PARN: variants seen among roughly 807,000 people sequenced by gnomAD.
PARN encodes the protein poly(A)-specific ribonuclease.
PARN carries 71 observed loss-of-function variants against 102.8 expected under a neutral mutation model. The ratio of observed to expected loss-of-function variants is 0.69; its 90% CI spans 0.57 to 0.84. The LOEUF (loss-of-function observed/expected upper bound fraction) is 0.84, where lower values mean the gene tolerates loss of function less well. PARN is among the 40% of genes least tolerant of loss of function. The pLI is 0.00. For missense variants in PARN, 782 were observed against 760.9 expected, an observed-to-expected ratio of 1.03 and a Z score of -0.33; for synonymous variants, 261 against 252.9, an observed-to-expected ratio of 1.03 and a Z score of -0.30.
At chr16:14,462,567 A>T (rs1962052317) in intron 22 of PARN, among the ~76,000 whole-genome samples, 1 of 152,108 alleles carries the variant, frequency 6.6e-6, no homozygotes, top group Non-Finnish European at 1.5e-5. Flanking sequence ...TCCAAGGCCC[A>T]TTACTGTGGA....
intron 13 of PARN, among the ~76,000 whole-genome samples, chr16:14,590,003 T>C (rs1179568847): frequency 6.8e-6 from 1 of 147,514 alleles, no homozygotes; most frequent in East Asian, 2.1e-4. Flanking sequence ...GTAATCCCAG[T>C]ACTTTGGGAG....
intron 21 of PARN, among the ~76,000 whole-genome samples, chr16:14,509,214 G>A (rs1014583694): frequency 3.3e-5 from 5 of 152,136 alleles, no homozygotes; most frequent in South Asian, 2.1e-4. Context: ...TATAAACCCC[G>A]TGTCAGCTGT....
chr16:14,489,999 T>C (rs1455474576), intron 21 of PARN, among the ~76,000 whole-genome samples: 1 of 152,172 alleles, frequency 6.6e-6, no homozygotes, highest in African/African-American at 2.4e-5. Flanking sequence ...TGAAACCCTG[T>C]CTCTACTTAA....
chr16:14,500,716 G>A (rs1964542909), intron 21 of PARN, among the ~76,000 whole-genome samples: 1 of 152,058 alleles, frequency 6.6e-6, no homozygotes. Flanking sequence ...TGCTTCTACT[G>A]CCTTTGCATA....
intron 23 of PARN, among the ~76,000 whole-genome samples, chr16:14,441,856 G>A (rs2151550645): frequency 6.6e-6 from 1 of 152,342 alleles, no homozygotes; most frequent in Middle Eastern, 3.4e-3. Context: ...GTAACAGCAT[G>A]AGGAGACTGC....
intron 3 of PARN, 49 bp downstream of exon 3, chr16:14,628,123 A>G (rs776784246): frequency 9.6e-7 from 1 of 1,039,634 alleles, no homozygotes; most frequent in East Asian, 2.4e-5. Flanking sequence ...ATTTAACATA[A>G]GGAAGACTAA....
At chr16:14,444,616 A>T (rs1269628068) in intron 23 of PARN, among the ~76,000 whole-genome samples, 1 of 152,244 alleles carries the variant, frequency 6.6e-6, no homozygotes, top group African/African-American at 2.4e-5. Context: ...AACTAAAAAA[A>T]TCCAGAAGAG....
At chr16:14,491,227 G>C (rs943011103) in intron 21 of PARN, among the ~76,000 whole-genome samples, 1 of 149,014 alleles carries the variant, frequency 6.7e-6, no homozygotes. Flanking sequence ...TAAACCCTTC[G>C]GCATCCAAGA....
intron 21 of PARN, among the ~76,000 whole-genome samples, chr16:14,512,688 G>A (rs1965259642): frequency 6.6e-6 from 1 of 152,106 alleles, no homozygotes; most frequent in African/African-American, 2.4e-5. Context: ...TCAAGGGTGG[G>A]ACCCCAGAAA....
chr16:14,509,609 A>G (rs1469506941), intron 21 of PARN, among the ~76,000 whole-genome samples: 1 of 152,224 alleles, frequency 6.6e-6, no homozygotes. Context: ...TCTCATCAAC[A>G]TTCAAAGTCT....
chr16:14,623,651 AT>A (rs1435097244), intron 5 of PARN, among the ~76,000 whole-genome samples: 2 of 152,142 alleles, frequency 1.3e-5, no homozygotes, highest in African/African-American at 4.8e-5. Flanking sequence ...AGCCTGACCA[AT>A]ATGGTGAAAC....
chr16:14,498,811 A>G (rs945629957), intron 21 of PARN, among the ~76,000 whole-genome samples: 4 of 152,248 alleles, frequency 2.6e-5, no homozygotes, highest in Non-Finnish European at 4.4e-5. Flanking sequence ...ACACTTCTCC[A>G]AAAGGGAAAT....
intron 6 of PARN, among the ~76,000 whole-genome samples, chr16:14,615,419 A>G (rs1349349839): frequency 5.3e-5 from 8 of 152,318 alleles, no homozygotes; most frequent in South Asian, 2.1e-4. Context: ...TTTGGAACTT[A>G]TATTTTATAA....
intron 22 of PARN, among the ~76,000 whole-genome samples, chr16:14,471,880 G>A (rs113419740): frequency 0.16 from 23,866 of 152,164 alleles, 2,399 homozygotes; most frequent in Middle Eastern, 0.26. Flanking sequence ...CAATTTGCTT[G>A]AAGCAAATTG....
intron 21 of PARN, among the ~76,000 whole-genome samples, chr16:14,532,551 C>G (rs953981313): frequency 6.6e-6 from 1 of 152,142 alleles, no homozygotes; most frequent in Non-Finnish European, 1.5e-5. Flanking sequence ...AACGAAAAGT[C>G]TCCCATGTCT....
intron 22 of PARN, among the ~76,000 whole-genome samples, chr16:14,481,532 A>G (rs1363333111): frequency 6.6e-6 from 1 of 152,220 alleles, no homozygotes; most frequent in Non-Finnish European, 1.5e-5. Flanking sequence ...GAAATGTTCT[A>G]TATCTTGCTT....
intron 12 of PARN, among the ~76,000 whole-genome samples, chr16:14,595,314 G>T (rs547457012): frequency 6.6e-6 from 1 of 152,152 alleles, no homozygotes; most frequent in East Asian, 1.9e-4. Flanking sequence ...GGAATCTGAG[G>T]TATCAGTATA....
In PARN at chr16:14,484,534, G is replaced by A. The variant is rs150357477; in HGVS notation, c.1481-1707C>T. Reference sequence around the variant, plus strand: ...TGCACCTAGAAAACCCCTGGATATGGAATAGTTCTCAATAAAAATGATGTG... The same window carrying A: ...TGCACCTAGAAAACCCCTGGATATGAAATAGTTCTCAATAAAAATGATGTG... On this transcript the variant is annotated intron_variant, in intron 21 of 23. Transcript: ENST00000437198. Among the ~76,000 whole-genome samples the A allele has an allele frequency of 1.8e-3, 269 of 152,262 alleles. 1 individual carries two copies. Among genetic ancestry groups the A allele is most frequent in the African/African-American group, 6.3e-3 (262 of 41,536 alleles).
chr16:14,448,539 C>A (rs926850275), intron 22 of PARN, among the ~76,000 whole-genome samples: 3 of 152,038 alleles, frequency 2.0e-5, no homozygotes, highest in Admixed American at 2.0e-4. Flanking sequence ...CTGCCCACCT[C>A]GGCCTCCCAA....
Sources: allele counts gnomAD v4.1 joint callset (sites outside exome capture counted in the v4.1 genomes callset), GRCh38; gene constraint gnomAD v4.1.1; transcripts MANE v1.5; gene names NCBI Gene and HGNC (gene_info 2026-07-23, HGNC 2026-07-21).